The following TRIQK variants were observed in gnomAD, a reference collection of about 807,000 sequenced individuals.
TRIQK encodes the protein triple QxxK/R motif-containing protein.
TRIQK carries 10 observed loss-of-function variants against 10.8 expected under a neutral mutation model. The observed-to-expected ratio is 0.92, with a 90% CI of 0.57 to 1.57. The LOEUF (loss-of-function observed/expected upper bound fraction) is 1.57. TRIQK is among the 40% of genes most tolerant of loss of function. The probability of loss-of-function intolerance (pLI) is 0.00; values close to 1 mark genes in which losing one functional copy is unlikely to be tolerated. For synonymous variants in TRIQK, 33 were observed against 33.7 expected (o/e 0.98, Z 0.07); for missense variants, 107 against 97.7 (o/e 1.09, Z -0.40).
At chr8:92,983,432 CTG>C (rs1330158474) in intron 1 of TRIQK, among the ~76,000 whole-genome samples, 2 of 152,070 alleles carry the variant, frequency 1.3e-5, no homozygotes, top group Non-Finnish European at 2.9e-5. Flanking sequence ...AGTGAAGCCT[CTG>C]TGCCATGCAG....
rs564420764 is a variant in TRIQK, at chr8:92,942,617, T to C, written c.-22+11789A>G. Among the ~76,000 whole-genome samples, 103 of 152,346 alleles carry C rather than the reference T, an allele frequency of 6.8e-4. 2 individuals are homozygous for C. The South Asian group carries it at 0.021, about 31-fold the overall frequency. On this transcript the variant is annotated intron_variant, in intron 2 of 4. Transcript: ENST00000521988. ...AATTTAAATTGTGCCCGTTTGCAGATGTCATTATCTTACATGGAGAAAATA... is the reference window on the plus strand; with the variant it reads ...AATTTAAATTGTGCCCGTTTGCAGACGTCATTATCTTACATGGAGAAAATA...
chr8:92,892,178 C>T (rs1015464425), intron 3 of TRIQK, 104 bp from the exon 4 acceptor site: 21 of 805,826 alleles, frequency 2.6e-5, no homozygotes, highest in Admixed American at 6.1e-5. Flanking sequence ...AACAGGGACA[C>T]GGAGTTGCAA....
intron 2 of TRIQK, among the ~76,000 whole-genome samples, chr8:92,929,912 G>A (rs1810624914): frequency 2.6e-5 from 4 of 152,000 alleles, no homozygotes; most frequent in Admixed American, 2.6e-4. Context: ...ACTCTTAGTA[G>A]TCAAACTAAA....
intron 3 of TRIQK, among the ~76,000 whole-genome samples, chr8:92,893,891 G>A (rs1816882682): frequency 6.6e-6 from 1 of 151,770 alleles, no homozygotes; most frequent in African/African-American, 2.4e-5. Flanking sequence ...AGATGCAAGA[G>A]GATTATCTTA....
chr8:92,923,941 G>A (rs917741038), intron 2 of TRIQK, among the ~76,000 whole-genome samples: 6 of 151,836 alleles, frequency 4.0e-5, no homozygotes, highest in African/African-American at 7.2e-5. Context: ...CTTCACATAT[G>A]TCTCTGCTTC....
At chr8:92,999,278 T>C (rs1386695644) in intron 1 of TRIQK, among the ~76,000 whole-genome samples, 3 of 152,188 alleles carry the variant, frequency 2.0e-5, no homozygotes, top group African/African-American at 7.2e-5. Flanking sequence ...AATGACATAT[T>C]GGTTTTTGAA....
intron 1 of TRIQK, among the ~76,000 whole-genome samples, chr8:92,997,060 C>T (rs1386304806): frequency 2.0e-5 from 3 of 151,896 alleles, no homozygotes; most frequent in Non-Finnish European, 4.4e-5. Flanking sequence ...TACATTGTTT[C>T]TCTGTTAGTA....
At chr8:93,003,481 G>T (rs554047460) in intron 1 of TRIQK, among the ~76,000 whole-genome samples, 1 of 152,058 alleles carries the variant, frequency 6.6e-6, no homozygotes, top group South Asian at 2.1e-4. Flanking sequence ...CCCATCACTG[G>T]CAATTACAAT....
chr8:92,970,009 G>T (rs1289330554), upstream of TRIQK, among the ~76,000 whole-genome samples: 1 of 152,002 alleles, frequency 6.6e-6, no homozygotes, highest in Non-Finnish European at 1.5e-5. Flanking sequence ...TGTTCTCATT[G>T]TTCAGCTCCC....
chr8:92,997,839 A>G (rs1483146599), intron 1 of TRIQK, among the ~76,000 whole-genome samples: 1 of 152,092 alleles, frequency 6.6e-6, no homozygotes, highest in Non-Finnish European at 1.5e-5. Flanking sequence ...CCATAAATGT[A>G]AAGAATTTGA....
At position 92,918,781 on chromosome 8, in the gene TRIQK, C is replaced by T. The variant is rs149041288; in HGVS notation, c.-21-1771G>A. Among the ~76,000 whole-genome samples the T allele has an allele frequency of 6.6e-3, 1,000 of 151,240 alleles. 9 individuals are homozygous for T. The highest frequency in any genetic ancestry group is 0.044 in the Middle Eastern group (13 of 294). ...CCTGGGCTTTTGAGATCTTACCCCC[C>T]CCCACAATTTTTGCCAGACCAATGT... On this transcript the variant is annotated intron_variant, in intron 2 of 4. Transcript: ENST00000521988.
chr8:92,992,767 A>T (rs980184515), intron 1 of TRIQK, among the ~76,000 whole-genome samples: 1 of 152,162 alleles, frequency 6.6e-6, no homozygotes, highest in Non-Finnish European at 1.5e-5. Context: ...AAAGCTGAGA[A>T]TGAAACAGAA....
intron 3 of TRIQK, among the ~76,000 whole-genome samples, chr8:92,894,390 C>A (rs1816912362): frequency 6.6e-6 from 1 of 151,720 alleles, no homozygotes; most frequent in Non-Finnish European, 1.5e-5. Flanking sequence ...CCTATGCCCA[C>A]ATGATTGTAA....
intron 1 of TRIQK, among the ~76,000 whole-genome samples, chr8:92,977,669 A>G (rs955667340): frequency 1.3e-5 from 2 of 151,994 alleles, no homozygotes; most frequent in African/African-American, 4.8e-5. Flanking sequence ...TGTTTTCATT[A>G]TGTGGAGCAT....
chr8:92,970,399 C>T (rs1290036294), upstream of TRIQK, among the ~76,000 whole-genome samples: 1 of 152,230 alleles, frequency 6.6e-6, no homozygotes, highest in Non-Finnish European at 1.5e-5. Flanking sequence ...AATGGTTGAA[C>T]TAATTTACAT....
chr8:92,886,168 G>A lies in TRIQK; in HGVS notation c.*454C>T, dbSNP rs1382531522. On this transcript the variant is annotated 3_prime_UTR_variant, in exon 5 of 5. Transcript: ENST00000521988. ...TAAAATACGTCCAGAAAGAAAGCAG[G>A]GCTTTGTTGTAAAATAAAAAATTTC... 1 of 151,836 alleles carries A rather than the reference G, an allele frequency of 6.6e-6. No homozygotes were observed. Among genetic ancestry groups the A allele is most frequent in the Non-Finnish European group, 1.5e-5 (1 of 68,004 alleles). The allele number at this position is 151,836 out of a possible 1,614,324, so 9.4% of individuals were successfully genotyped here.
intron 1 of TRIQK, among the ~76,000 whole-genome samples, chr8:93,012,447 A>AAT (rs1813344613): frequency 6.6e-6 from 1 of 152,184 alleles, no homozygotes; most frequent in African/African-American, 2.4e-5. Flanking sequence ...CAGCGTTTTC[A>AAT]GAAAAGCCAA....
At chr8:93,014,989 A>T (rs1813369956) in intron 1 of TRIQK, among the ~76,000 whole-genome samples, 3 of 152,076 alleles carry the variant, frequency 2.0e-5, no homozygotes, top group Admixed American at 2.0e-4. Flanking sequence ...TCAACATTTT[A>T]ACATTTCCTC....
chr8:92,971,788 A>C (rs1812879320), intron 1 of TRIQK, among the ~76,000 whole-genome samples: 1 of 152,216 alleles, frequency 6.6e-6, no homozygotes, highest in South Asian at 2.1e-4. Context: ...ACAGAATTAG[A>C]GAAAACTACT....
Sources: gnomAD v4.1 joint callset for allele counts (sites outside exome capture counted in the v4.1 genomes callset) on GRCh38, gnomAD v4.1.1 for gene constraint, MANE v1.5 for transcripts, NCBI Gene and HGNC (gene_info 2026-07-23, HGNC 2026-07-21) for gene names.